The following ADCY1 variants were observed in gnomAD, a reference collection of about 807,000 sequenced individuals.
ADCY1 encodes the protein adenylate cyclase 1, also known as adenylate cyclase type 1.
ADCY1 carries 28 observed loss-of-function variants against 105.4 expected under a neutral mutation model. The observed-to-expected ratio is 0.27, with a 90% CI of 0.20 to 0.36. ADCY1 has a LOEUF of 0.36. ADCY1 is among the 10% of genes least tolerant of loss of function. The pLI is 1.00. For missense variants in ADCY1, 977 were observed against 1,434.2 expected (o/e 0.68, Z 5.15); for synonymous variants, 655 against 623.8 (o/e 1.05, Z -0.75).
chr7:45,688,676 A>G (rs1325247019), intron 14 of ADCY1, among the ~76,000 whole-genome samples: 1 of 152,196 alleles, frequency 6.6e-6, no homozygotes, highest in African/African-American at 2.4e-5. Context: ...ATGTGTATCT[A>G]TATACATGTG....
At chr7:45,695,031 G>A (rs1784853066) in intron 14 of ADCY1, among the ~76,000 whole-genome samples, 1 of 152,222 alleles carries the variant, frequency 6.6e-6, no homozygotes, top group African/African-American at 2.4e-5. Context: ...GCTGCCTTGG[G>A]CTTCCAAGCC....
At position 45,657,599 on chromosome 7, in the gene ADCY1, T is replaced by C. The variant is rs1794977040; in HGVS notation, c.1149-128T>C. ...TGACTATGCCAGGAGACCTCCACGC[T>C]CAGGCCACATGCAGCAAGGACAAGA... On this transcript the variant is annotated intron_variant, in intron 5 of 19. Transcript: ENST00000297323. The C allele has an allele frequency of 3.9e-6, 4 of 1,029,450 alleles. No individual in the cohort carries two copies. The South Asian group carries it at 4.8e-5, about 12-fold the overall frequency. The allele number at this position is 1,029,450 out of a possible 1,614,324, so 63.8% of individuals were successfully genotyped here. A position where few individuals can be genotyped will look rare whatever the true frequency, so the allele number is the denominator to read the frequency against.
chr7:45,701,325 T>G (rs1032575037), intron 14 of ADCY1, among the ~76,000 whole-genome samples: 1 of 152,158 alleles, frequency 6.6e-6, no homozygotes, highest in African/African-American at 2.4e-5. Context: ...GTGGATGGAT[T>G]AAGAGATATA....
At position 45,574,434 on chromosome 7, in the gene ADCY1, C is replaced by G. The variant is rs1792251348; in HGVS notation, c.-110C>G. ...CTCCGCCCGCCCCGCGCCCCGCGCC[C>G]CGGCGCCTCGCCGCCCGCCGCCCGC... On this transcript the variant is annotated 5_prime_UTR_variant, in exon 1 of 20. Coordinates refer to ENST00000297323, the MANE Select transcript of ADCY1 (RefSeq NM_021116.4). This position sits in a 1 kb window ranked among gnomAD's most constrained non-coding sequence, Gnocchi z 7.0. 6.8e-6 allele frequency: 1 copy of G among 148,100 alleles called. No individual in the cohort carries two copies. 9.2% of individuals were successfully genotyped at this position (148,100 alleles called of 1,614,324 possible).
rs754493692 is a variant in ADCY1 at position 45,720,618 on chromosome 7, G to T, written c.*6623G>T. 2.6e-5 allele frequency: 4 copies of T among 151,996 alleles called. No homozygotes were observed. Among genetic ancestry groups the T allele is most frequent in the Non-Finnish European group, 5.9e-5 (4 of 68,010 alleles). The allele number at this position is 151,996 out of a possible 1,614,324, so 9.4% of individuals were successfully genotyped here. A position where few individuals can be genotyped will look rare whatever the true frequency, so the allele number is the denominator to read the frequency against. On this transcript the variant is annotated 3_prime_UTR_variant, in exon 20 of 20. Transcript: ENST00000297323. The stretch of plus-strand genomic sequence containing the variant: ...ACCTGACAGGGGTCACTCATTTTAG[G>T]CACAACTCCTTCATTCTTTGTGAAA...
At chr7:45,609,474 G>A (rs1793471216) in intron 2 of ADCY1, among the ~76,000 whole-genome samples, 1 of 152,206 alleles carries the variant, frequency 6.6e-6, no homozygotes, top group Admixed American at 6.5e-5. Flanking sequence ...GCGGTGGGAG[G>A]GATGGAGCTT....
At chr7:45,654,511 C>T (rs1794889564) in intron 5 of ADCY1, among the ~76,000 whole-genome samples, 4 of 152,210 alleles carry the variant, frequency 2.6e-5, no homozygotes, top group Admixed American at 2.6e-4. Context: ...GCCTGCATCC[C>T]TGGAGGTCGT....
At chr7:45,688,837 A>G (rs1784736488) in intron 14 of ADCY1, among the ~76,000 whole-genome samples, 1 of 151,944 alleles carries the variant, frequency 6.6e-6, no homozygotes, top group Admixed American at 6.6e-5. Flanking sequence ...TATAATCAAT[A>G]TTAGAATATT....
rs896877321 is a variant in ADCY1 at position 45,649,685 on chromosome 7, G to A, written c.1148+888G>A. Among the ~76,000 whole-genome samples, 6 of 152,250 alleles carry A rather than the reference G, an allele frequency of 3.9e-5. No individual in the cohort carries two copies. In the South Asian group the frequency reaches 8.3e-4, roughly 21 times the overall value. On this transcript the variant is annotated intron_variant, in intron 5 of 19. Transcript: ENST00000297323. ...CCCATGCAGTGCTCCTGCAGACAGT[G>A]TGACTGGAAGGAGGCGGTTGGGAGG...
intron 2 of ADCY1, among the ~76,000 whole-genome samples, chr7:45,598,225 C>G (rs1282044172): frequency 6.6e-6 from 1 of 152,170 alleles, no homozygotes; most frequent in East Asian, 1.9e-4. Context: ...ATAGAGTCAC[C>G]AGTGGCAGAG....
At chr7:45,709,431 G>A (rs1785183789) in intron 18 of ADCY1, among the ~76,000 whole-genome samples, 1 of 152,230 alleles carries the variant, frequency 6.6e-6, no homozygotes, top group Non-Finnish European at 1.5e-5. Flanking sequence ...CATCAGGCCG[G>A]TGCTAGCCTA....
At chr7:45,699,453 G>A (rs1784949871) in intron 14 of ADCY1, among the ~76,000 whole-genome samples, 1 of 152,160 alleles carries the variant, frequency 6.6e-6, no homozygotes, top group African/African-American at 2.4e-5. Context: ...TAGGTAGACT[G>A]GATTCATTAA....
chr7:45,671,761 GCTTT>G (rs1368548115), intron 8 of ADCY1, among the ~76,000 whole-genome samples: 8 of 152,064 alleles, frequency 5.3e-5, no homozygotes, highest in South Asian at 2.1e-4. Context: ...TCTTTTGTCT[GCTTT>G]CTAATTGGAT....
chr7:45,654,610 G>A (rs1794891280), intron 5 of ADCY1, among the ~76,000 whole-genome samples: 1 of 152,208 alleles, frequency 6.6e-6, no homozygotes, highest in Non-Finnish European at 1.5e-5. Context: ...GCTAGTGTGT[G>A]CCACATGGAG....
chr7:45,690,065 A>G (rs752311514), intron 14 of ADCY1, among the ~76,000 whole-genome samples: 138 of 152,216 alleles, frequency 9.1e-4, no homozygotes, highest in Admixed American at 1.6e-3. Context: ...CACACAGCCC[A>G]GGAGGCAGGT....
intron 4 of ADCY1, among the ~76,000 whole-genome samples, chr7:45,624,347 C>T (rs1438295912): frequency 2.7e-5 from 4 of 145,654 alleles, no homozygotes; most frequent in Non-Finnish European, 6.0e-5. Context: ...GTAGGAGGGG[C>T]AGGGGGAAGG....
chr7:45,685,490 A>C (rs904635071), intron 12 of ADCY1, among the ~76,000 whole-genome samples: 1 of 151,224 alleles, frequency 6.6e-6, no homozygotes, highest in African/African-American at 2.4e-5. Context: ...AGGAGTAACA[A>C]GATGGAGCTG....
At chr7:45,577,483 G>A (rs1792384158) in intron 1 of ADCY1, among the ~76,000 whole-genome samples, 2 of 152,184 alleles carry the variant, frequency 1.3e-5, no homozygotes, top group Admixed American at 6.5e-5. Flanking sequence ...GCTTGAGATG[G>A]TGAAGAAGAC....
chr7:45,636,580 G>A (rs903747838), intron 4 of ADCY1, among the ~76,000 whole-genome samples: 2 of 152,032 alleles, frequency 1.3e-5, no homozygotes, highest in African/African-American at 2.4e-5. Flanking sequence ...ACAGAGTCTC[G>A]CTCAGGCTGG....
Sources: gnomAD v4.1 joint callset for allele counts (sites outside exome capture counted in the v4.1 genomes callset) on GRCh38, gnomAD v4.1.1 for gene constraint, Gnocchi (gnomAD v3.1) non-coding constraint, MANE v1.5 for transcripts, NCBI Gene and HGNC (gene_info 2026-07-23, HGNC 2026-07-21) for gene names.